The following TMEM135 variants were observed in gnomAD, a reference collection of about 807,000 sequenced individuals.
The protein encoded by TMEM135 is transmembrane protein 135.
Under a neutral mutation model 60.3 loss-of-function variants are expected in TMEM135, and 30 were observed. The ratio of observed to expected loss-of-function variants is 0.50; its 90% CI spans 0.37 to 0.68. The LOEUF (loss-of-function observed/expected upper bound fraction) is 0.68. Ranked by LOEUF, TMEM135 falls within the 30% of genes least tolerant of loss-of-function variation. The pLI is 0.00. For synonymous variants in TMEM135, 190 were observed against 186.7 expected (o/e 1.02, Z -0.14); for missense variants, 468 against 548.8 (o/e 0.85, Z 1.47).
intron 14 of TMEM135, among the ~76,000 whole-genome samples, chr11:87,320,681 T>C (rs773806719): frequency 3.8e-4 from 58 of 152,302 alleles, no homozygotes; most frequent in Non-Finnish European, 7.6e-4. Context: ...GTTGTGTCTA[T>C]TAAACATTTG....
At chr11:87,080,172 T>TTTG (rs1341927654) in intron 3 of TMEM135, among the ~76,000 whole-genome samples, 8 of 150,604 alleles carry the variant, frequency 5.3e-5, no homozygotes, top group Non-Finnish European at 8.9e-5. Context: ...TGCAGTGTTT[T>TTTG]TTTTTTTTTT....
chr11:87,258,201 T>A (rs1941569155), intron 6 of TMEM135, among the ~76,000 whole-genome samples: 1 of 150,964 alleles, frequency 6.6e-6, no homozygotes, highest in South Asian at 2.1e-4. Flanking sequence ...AGCCTTTTTT[T>A]TTTTCAGTTG....
At chr11:87,060,889 G>A (rs148263103) in intron 1 of TMEM135, among the ~76,000 whole-genome samples, 1,532 of 152,104 alleles carry the variant, frequency 0.01, 14 homozygotes, top group African/African-American at 0.035. Context: ...TGATCTGCCC[G>A]CCTCGGCCTC....
intron 5 of TMEM135, among the ~76,000 whole-genome samples, chr11:87,196,076 C>A (rs1433295186): frequency 6.6e-6 from 1 of 151,800 alleles, no homozygotes; most frequent in Non-Finnish European, 1.5e-5. Flanking sequence ...GGAATGATAC[C>A]ATTTTGTTTG....
intron 5 of TMEM135, among the ~76,000 whole-genome samples, chr11:87,185,623 G>A (rs1383427049): frequency 6.6e-6 from 1 of 152,058 alleles, no homozygotes; most frequent in East Asian, 1.9e-4. Context: ...CATTGGTGAC[G>A]ATTACCTATC....
Position 87,322,528 on chromosome 11 carries a change from T to A in TMEM135, c.*1195T>A, listed in dbSNP as rs932012879. 2.2e-6 allele frequency: 1 copy of A among 453,922 alleles called. No individual in the cohort carries two copies. The highest frequency in any genetic ancestry group is 2.0e-5 in the African/African-American group (1 of 50,006). The allele number at this position is 453,922 out of a possible 1,614,324, so 28.1% of individuals were successfully genotyped here. ...TTTACAGTTTTTCAGGGAAAAGTTA[T>A]ACTTTTCTATGTTAATAAAGAGCTG... is the stretch of plus-strand genomic sequence containing the variant. On this transcript the variant is annotated 3_prime_UTR_variant, in exon 15 of 15. Coordinates refer to ENST00000305494, the MANE Select transcript of TMEM135 (RefSeq NM_022918.4).
At chr11:87,224,284 C>A (rs777311407) in intron 5 of TMEM135, among the ~76,000 whole-genome samples, 2 of 152,210 alleles carry the variant, frequency 1.3e-5, no homozygotes, top group African/African-American at 4.8e-5. Context: ...TAGAGGGCCA[C>A]TGTTGGCCTT....
At chr11:87,120,370 C>G (rs1858019110) in intron 4 of TMEM135, among the ~76,000 whole-genome samples, 1 of 151,424 alleles carries the variant, frequency 6.6e-6, no homozygotes, top group African/African-American at 2.4e-5. Context: ...CCTCTCAAAA[C>G]TCTGGGATTT....
intron 13 of TMEM135, 108 bp from the exon 14 acceptor site, chr11:87,319,202 A>G: frequency 1.0e-6 from 1 of 974,976 alleles, no homozygotes; most frequent in Non-Finnish European, 1.6e-6. Flanking sequence ...GCATATTTAC[A>G]AAAATTCTTG....
At chr11:87,236,883 C>T (rs974207488) in intron 6 of TMEM135, among the ~76,000 whole-genome samples, 199 bp downstream of exon 6, 3 of 151,428 alleles carry the variant, frequency 2.0e-5, no homozygotes, top group Admixed American at 6.6e-5. Context: ...GGAAGGAAGA[C>T]TTATTCTCCC....
chr11:87,219,380 A>T (rs1450340000), intron 5 of TMEM135, among the ~76,000 whole-genome samples: 1 of 150,744 alleles, frequency 6.6e-6, no homozygotes, highest in Non-Finnish European at 1.5e-5. Context: ...TTCTGGTGAG[A>T]CCTCTTTTTT....
rs78344920 is a variant in TMEM135, at chr11:87,148,507, C to G, written c.397-8834C>G. Among the ~76,000 whole-genome samples, 22 of 152,210 alleles carry G rather than the reference C, an allele frequency of 1.4e-4. No homozygotes were observed. In the East Asian group the frequency reaches 4.3e-3, roughly 29 times the overall value. Reference sequence around the variant, plus strand: ...AAAAAGAATTTGATCCTCTGATTGCCTAGGGTTTTGAGACATGAGAAATAA... The same window carrying G: ...AAAAAGAATTTGATCCTCTGATTGCGTAGGGTTTTGAGACATGAGAAATAA... On this transcript the variant is annotated intron_variant, in intron 4 of 14. Coordinates refer to ENST00000305494, the MANE Select transcript of TMEM135 (RefSeq NM_022918.4).
chr11:87,167,113 T>C (rs941824658), intron 5 of TMEM135, among the ~76,000 whole-genome samples: 1 of 152,200 alleles, frequency 6.6e-6, no homozygotes, highest in Non-Finnish European at 1.5e-5. Context: ...TCTTTGTCTG[T>C]TATCAATGTG....
intron 1 of TMEM135, among the ~76,000 whole-genome samples, chr11:87,063,913 A>G (rs548553656): frequency 1.9e-4 from 29 of 152,330 alleles, no homozygotes; most frequent in Admixed American, 9.1e-4. Flanking sequence ...TGCTATAAAT[A>G]TGTCTTTTGG....
chr11:87,169,542 A>C (rs944424702), intron 5 of TMEM135, among the ~76,000 whole-genome samples: 5 of 151,788 alleles, frequency 3.3e-5, no homozygotes, highest in Non-Finnish European at 7.4e-5. Flanking sequence ...AAAGGATTTT[A>C]TTTCTTTTTC....
intron 8 of TMEM135, 57 bp from the exon 9 acceptor site, chr11:87,305,879 A>G: frequency 7.6e-7 from 1 of 1,320,170 alleles, no homozygotes; most frequent in Non-Finnish European, 1.1e-6. Context: ...ATGTACAAAC[A>G]CATGGATATA....
intron 1 of TMEM135, among the ~76,000 whole-genome samples, chr11:87,059,462 T>A (rs1480140117): frequency 6.6e-6 from 1 of 152,026 alleles, no homozygotes; most frequent in Non-Finnish European, 1.5e-5. Context: ...ATTACAGGCG[T>A]GTGCTACCAC....
At chr11:87,163,133 C>T (rs1938935685) in intron 5 of TMEM135, among the ~76,000 whole-genome samples, 2 of 149,408 alleles carry the variant, frequency 1.3e-5, no homozygotes, top group South Asian at 4.3e-4. Context: ...GTGCACTGCA[C>T]CCACTAACTC....
At chr11:87,272,655 G>A (rs893151110) in intron 6 of TMEM135, among the ~76,000 whole-genome samples, 8 of 151,896 alleles carry the variant, frequency 5.3e-5, no homozygotes, top group Non-Finnish European at 8.8e-5. Context: ...TAGAGATGAG[G>A]TCTTGCTCTG....
Sources: gnomAD v4.1 joint callset for allele counts (sites outside exome capture counted in the v4.1 genomes callset) on GRCh38, gnomAD v4.1.1 for gene constraint, MANE v1.5 for transcripts, NCBI Gene and HGNC (gene_info 2026-07-23, HGNC 2026-07-21) for gene names.